The following DNAJC10 variants were observed in gnomAD, a reference collection of about 807,000 sequenced individuals.
The protein encoded by DNAJC10 is endoplasmic reticulum disulfide reductase DNAJC10.
A neutral mutation model predicts 115.0 loss-of-function variants in DNAJC10; 101 were observed. That is an observed-to-expected ratio of 0.88 (90% CI 0.75 to 1.04). The LOEUF is 1.04. Ranked by LOEUF, DNAJC10 falls within the 50% of genes least tolerant of loss-of-function variation. The probability of loss-of-function intolerance (pLI) is 0.00; values close to 1 mark genes in which losing one functional copy is unlikely to be tolerated. For missense variants in DNAJC10, 981 were observed against 928.8 expected (o/e 1.06, Z -0.73); for synonymous variants, 307 against 301.5 (o/e 1.02, Z -0.19).
intron 8 of DNAJC10, 102 bp downstream of exon 8, chr2:182,730,043 T>G: frequency 1.4e-6 from 1 of 703,668 alleles, no homozygotes; most frequent in Non-Finnish European, 2.4e-6. Context: ...ATTGAAATTT[T>G]AAAGTGTCTT....
intron 1 of DNAJC10, 70 bp downstream of exon 1, chr2:182,716,553 G>A (rs991603180): frequency 6.6e-6 from 1 of 152,456 alleles, no homozygotes; most frequent in Non-Finnish European, 1.5e-5. Context: ...TCAGGGAGGG[G>A]CGGAATGGCT....
At chr2:182,767,336 C>G (rs564720645) in intron 22 of DNAJC10, among the ~76,000 whole-genome samples, 2 of 152,298 alleles carry the variant, frequency 1.3e-5, no homozygotes, top group East Asian at 1.9e-4. Flanking sequence ...GGCATTTCTG[C>G]CAAATTAAAA....
Position 182,728,927 on chromosome 2 carries a change from A to G in DNAJC10, c.566A>G (p.Asp189Gly). The G allele has an allele frequency of 1.2e-6, 2 of 1,614,038 alleles. No individual in the cohort carries two copies. Among genetic ancestry groups the G allele is most frequent in the South Asian group, 1.1e-5 (1 of 91,088 alleles). The change falls in exon 7 of 24, where the codon GAT becomes GGT. Residue 189 changes from aspartate (D) to glycine (G), a missense_variant. Asp to Gly is a moderately conservative substitution (Grantham distance 94). Transcript: ENST00000264065. ...ATTGGAGCTGTTAACTGTGGTGATGATAGAATGCTTTGCCGAATGAAAGGA... is the reference window on the plus strand; with the variant it reads ...ATTGGAGCTGTTAACTGTGGTGATGGTAGAATGCTTTGCCGAATGAAAGGA... ...LRIGAVNCGD[D>G]RMLCRMKGVN... is the part of the protein sequence containing the mutation.
At position 182,789,024 on chromosome 2, in the gene DNAJC10, A is replaced by C; in HGVS notation, c.*11892A>C. 3.7e-6 allele frequency: 1 copy of C among 266,914 alleles called. No homozygotes were observed. The highest frequency in any genetic ancestry group is 3.7e-5 in the South Asian group (1 of 26,706). 16.5% of individuals were successfully genotyped at this position (266,914 alleles called of 1,614,324 possible). A position where few individuals can be genotyped will look rare whatever the true frequency, so the allele number is the denominator to read the frequency against. On this transcript the variant is annotated 3_prime_UTR_variant, in exon 24 of 24. Coordinates refer to ENST00000264065, the MANE Select transcript of DNAJC10 (RefSeq NM_018981.4). ...CCATCTCCGTGACTTTATCTTGCAA[A>C]ACTGAAATTTTATATCCATAAAGCA...
chr2:182,764,304 G>A (rs1202423784), intron 22 of DNAJC10, among the ~76,000 whole-genome samples: 1 of 152,160 alleles, frequency 6.6e-6, no homozygotes, highest in Non-Finnish European at 1.5e-5. Context: ...TATATACCAT[G>A]TGGCTTATCA....
rs758279974 is a variant in DNAJC10, at chr2:182,736,242, A to G, written c.850-7A>G. ...ACAACATGGTTTGTTGTTTCTTTCCATTTTAGGATGGTCTTGTTAATGTAG... is the reference window on the plus strand; with the variant it reads ...ACAACATGGTTTGTTGTTTCTTTCCGTTTTAGGATGGTCTTGTTAATGTAG... On this transcript the variant is annotated splice_region_variant and splice_polypyrimidine_tract_variant and intron_variant, in intron 10 of 23. Transcript: ENST00000264065. The G allele has an allele frequency of 1.9e-6, 3 of 1,553,194 alleles. No homozygotes were observed. Among genetic ancestry groups the G allele is most frequent in the South Asian group, 1.3e-5 (1 of 78,312 alleles).
chr2:182,751,533 C>G (rs1319194946), intron 14 of DNAJC10, 125 bp from the exon 15 acceptor site: 1 of 1,142,868 alleles, frequency 8.7e-7, no homozygotes, highest in African/African-American at 1.6e-5. Flanking sequence ...CACACTAAAA[C>G]CTCACCAAAA....
chr2:182,752,129 T>A lies in DNAJC10; in HGVS notation c.1492T>A (p.Tyr498Asn). Residue 498 changes from tyrosine (Y) to asparagine (N), a missense_variant, in exon 16 of 24, where the codon TAT (tyrosine) becomes AAT (asparagine). By Grantham distance (143) the Tyr-to-Asn change is moderately radical (BLOSUM62 -2). Transcript: ENST00000264065. ...GTTACGAAGAGCATCAAATCTTCTT[T>A]ATGGTCAGCTTAAGTTTGGTACACT... is the stretch of plus-strand genomic sequence containing the variant. ...PELRRASNLL[Y>N]GQLKFGTLDC... 6.2e-7 allele frequency: 1 copy of A among 1,613,916 alleles called. No homozygotes were observed. The highest frequency in any genetic ancestry group is 1.3e-5 in the African/African-American group (1 of 75,046).
chr2:182,740,745 T>C (rs1002272999), intron 12 of DNAJC10, among the ~76,000 whole-genome samples: 2 of 152,288 alleles, frequency 1.3e-5, no homozygotes, highest in Non-Finnish European at 2.9e-5. Context: ...AGTTTATGGA[T>C]AGAATGCTGA....
Position 182,720,129 on chromosome 2 carries a change from TG to T in DNAJC10, c.329del (p.Gly110AlafsTer23). ...GEKGLEDNQG[G>X]QYESWNYYRY... is the part of the protein sequence containing the mutation. Reference sequence around the variant, plus strand: ...AAAAGGGACTTGAGGATAATCAAGGTGGCCAGTATGAAAGCTGGAACTATTA... The same window carrying T: ...AAAAGGGACTTGAGGATAATCAAGGTGCCAGTATGAAAGCTGGAACTATTA... On this transcript the variant is annotated frameshift_variant, in exon 4 of 24. Transcript: ENST00000264065. LOFTEE classifies it high-confidence loss of function. 1 of 1,611,230 alleles carries T rather than the reference TG, an allele frequency of 6.2e-7. No individual in the cohort carries two copies. The highest frequency in any genetic ancestry group is 1.1e-5 in the South Asian group (1 of 90,508).
At chr2:182,776,755 T>G (rs1694717480) in intron 23 of DNAJC10, among the ~76,000 whole-genome samples, 2 of 152,202 alleles carry the variant, frequency 1.3e-5, no homozygotes, top group Admixed American at 6.6e-5. Flanking sequence ...TTCGCTATAT[T>G]AGTTTTCTCA....
intron 14 of DNAJC10, among the ~76,000 whole-genome samples, chr2:182,745,851 G>T (rs1009623870): frequency 6.6e-6 from 1 of 151,678 alleles, no homozygotes; most frequent in Non-Finnish European, 1.5e-5. Context: ...ACTCGTCATC[G>T]AGCATTAGGT....
At chr2:182,730,031 G>A (rs1002940143) in intron 8 of DNAJC10, 90 bp downstream of exon 8, 3 of 809,028 alleles carry the variant, frequency 3.7e-6, no homozygotes, top group Non-Finnish European at 6.0e-6. Flanking sequence ...TTTGGTCATG[G>A]TATTGAAATT....
At chr2:182,719,402 C>G (rs900772866) in intron 3 of DNAJC10, among the ~76,000 whole-genome samples, 3 of 151,704 alleles carry the variant, frequency 2.0e-5, no homozygotes, top group African/African-American at 7.3e-5. Flanking sequence ...TACAGGCGTG[C>G]GTCACTACTG....
chr2:182,751,863 C>T, intron 15 of DNAJC10, 78 bp downstream of exon 15: 1 of 1,540,328 alleles, frequency 6.5e-7, no homozygotes, highest in Non-Finnish European at 8.8e-7. Flanking sequence ...TTCTAGATAA[C>T]TTTGAATCAT....
rs1234179560 is a variant in DNAJC10, at chr2:182,788,043, T to TG, written c.*10912dup. On this transcript the variant is annotated 3_prime_UTR_variant, in exon 24 of 24. Transcript: ENST00000264065. Reference sequence around the variant, plus strand: ...CTCAGAAAGATGTTTAACAAATACTTGAAGAGCCACTATTTAAGATAAATG... The same window carrying TG: ...CTCAGAAAGATGTTTAACAAATACTTGGAAGAGCCACTATTTAAGATAAATG... The TG allele has an allele frequency of 6.6e-6, 1 of 152,218 alleles. No homozygotes were observed. The highest frequency in any genetic ancestry group is 1.5e-5 in the Non-Finnish European group (1 of 68,046). 9.4% of individuals were successfully genotyped at this position (152,218 alleles called of 1,614,324 possible). A position where few individuals can be genotyped will look rare whatever the true frequency, so the allele number is the denominator to read the frequency against.
intron 22 of DNAJC10, among the ~76,000 whole-genome samples, chr2:182,773,715 A>T (rs1017745901): frequency 3.9e-5 from 6 of 152,162 alleles, no homozygotes; most frequent in African/African-American, 1.4e-4. Flanking sequence ...TGTTTATTCT[A>T]GTTAGCCATT....
intron 22 of DNAJC10, among the ~76,000 whole-genome samples, chr2:182,775,026 T>C (rs1574961742): frequency 6.6e-6 from 1 of 152,154 alleles, no homozygotes; most frequent in East Asian, 1.9e-4. Context: ...GGAACATCTG[T>C]TCTTGCACAG....
Position 182,763,460 on chromosome 2 carries a change from G to A in DNAJC10, c.2265+659G>A, listed in dbSNP as rs114965253. ...AGAGAGTCCACCCCAGCATTCATCC[G>A]CACAGTATTTATTGAAAGGGCTTGT... On this transcript the variant is annotated intron_variant, in intron 22 of 23. Transcript: ENST00000264065. Among the ~76,000 whole-genome samples, 1,503 of 152,130 alleles carry A rather than the reference G, an allele frequency of 9.9e-3. 12 individuals carry two copies. Among genetic ancestry groups the A allele is most frequent in the African/African-American group, 0.016 (653 of 41,508 alleles).
Sources: gnomAD v4.1 joint callset for allele counts (sites outside exome capture counted in the v4.1 genomes callset) on GRCh38, gnomAD v4.1.1 for gene constraint, MANE v1.5 for transcripts, NCBI Gene and HGNC (gene_info 2026-07-23, HGNC 2026-07-21) for gene names.